ALKBH8: variants seen among roughly 807,000 people sequenced by gnomAD.
The protein encoded by ALKBH8 is alkB homolog 8, tRNA methyltransferase.
A neutral mutation model predicts 59.8 loss-of-function variants in ALKBH8; 36 were observed. The observed-to-expected ratio is 0.60, with a 90% confidence interval of 0.46 to 0.79. The LOEUF is 0.79. ALKBH8 is among the 30% of genes least tolerant of loss of function. ALKBH8 has a pLI of 0.00. For missense variants in ALKBH8, 768 were observed against 801.0 expected (o/e 0.96, Z 0.50); for synonymous variants, 276 against 273.6 (o/e 1.01, Z -0.09).
At position 107,551,861 on chromosome 11, in the gene ALKBH8, T is replaced by A; in HGVS notation, c.647A>T (p.Tyr216Phe). 2 of 1,559,530 alleles carry A rather than the reference T, an allele frequency of 1.3e-6. No individual in the cohort carries two copies. Among genetic ancestry groups the A allele is most frequent in the Non-Finnish European group, 1.7e-6 (2 of 1,158,426 alleles). ...SFLEKWLRKG[Y>F]IKHKPDQMTI... ...CATTTGATCAGGTTTATGTTTAATG[T>A]AACCTTTCCTCAACCATTTCTCCAA... Residue 216 changes from tyrosine to phenylalanine, a missense_variant, in exon 6 of 12, where the codon TAC becomes TTC. Transcript: ENST00000428149.
chr11:107,517,376 A>C (rs1170463908), intron 10 of ALKBH8, among the ~76,000 whole-genome samples: 2 of 152,170 alleles, frequency 1.3e-5, no homozygotes, highest in African/African-American at 4.8e-5. Context: ...GACATATTAA[A>C]AATAGAACTA....
chr11:107,547,731 A>G (rs2135561818), intron 7 of ALKBH8, among the ~76,000 whole-genome samples: 1 of 152,328 alleles, frequency 6.6e-6, no homozygotes, highest in African/African-American at 2.4e-5. Flanking sequence ...TGATTCACTT[A>G]CTCTCAAAGG....
chr11:107,549,059 G>A (rs528174065), intron 7 of ALKBH8, among the ~76,000 whole-genome samples: 42 of 152,150 alleles, frequency 2.8e-4, no homozygotes, highest in African/African-American at 9.9e-4. Flanking sequence ...CACCGTGTTA[G>A]CCAGGATGGT....
chr11:107,543,677 T>C (rs1451342336), intron 7 of ALKBH8, among the ~76,000 whole-genome samples: 2 of 152,044 alleles, frequency 1.3e-5, no homozygotes, highest in Non-Finnish European at 2.9e-5. Context: ...AATTTAATAT[T>C]ACATAAATGA....
intron 10 of ALKBH8, among the ~76,000 whole-genome samples, chr11:107,515,281 A>G (rs1319288528): frequency 2.0e-5 from 3 of 152,222 alleles, no homozygotes; most frequent in Non-Finnish European, 4.4e-5. Flanking sequence ...CATATATTCA[A>G]GGACTTGCGT....
chr11:107,514,683 G>A (rs1411815409), intron 10 of ALKBH8, among the ~76,000 whole-genome samples: 2 of 152,220 alleles, frequency 1.3e-5, no homozygotes, highest in Admixed American at 6.5e-5. Context: ...CAAATAATCT[G>A]AACATTATAT....
chr11:107,556,372 T>C (rs561851564), intron 3 of ALKBH8, among the ~76,000 whole-genome samples: 1 of 152,238 alleles, frequency 6.6e-6, no homozygotes, highest in Non-Finnish European at 1.5e-5. Context: ...GATTGGTACA[T>C]GATCATTTGG....
intron 11 of ALKBH8, among the ~76,000 whole-genome samples, chr11:107,506,599 A>T (rs1239978551): frequency 6.6e-6 from 1 of 152,194 alleles, no homozygotes; most frequent in Non-Finnish European, 1.5e-5. Flanking sequence ...AAAGATAAGT[A>T]TTAAACTATA....
At chr11:107,553,252 T>C (rs778768872) in intron 4 of ALKBH8, 49 bp from the exon 5 acceptor site, 2 of 1,256,016 alleles carry the variant, frequency 1.6e-6, no homozygotes, top group South Asian at 1.4e-5. Flanking sequence ...AGAATTACAT[T>C]CCTTTGCATA....
At chr11:107,546,931 T>C (rs559746162) in intron 7 of ALKBH8, among the ~76,000 whole-genome samples, 2 of 152,294 alleles carry the variant, frequency 1.3e-5, no homozygotes, top group East Asian at 1.9e-4. Context: ...TGAAGAATTA[T>C]ATTAAAGTTA....
intron 7 of ALKBH8, among the ~76,000 whole-genome samples, chr11:107,540,485 G>A (rs1268775566): frequency 1.3e-5 from 2 of 152,148 alleles, no homozygotes; most frequent in African/African-American, 4.8e-5. Context: ...TTACAATACA[G>A]AACAAAATAT....
At chr11:107,547,331 T>C (rs981026842) in intron 7 of ALKBH8, among the ~76,000 whole-genome samples, 6 of 152,178 alleles carry the variant, frequency 3.9e-5, no homozygotes, top group African/African-American at 7.2e-5. Context: ...ACAGCACAAG[T>C]TGCAAGAGTG....
Position 107,522,392 on chromosome 11 carries a change from C to T in ALKBH8, c.1194G>A (p.Val398=), listed in dbSNP as rs1863152295. The T allele has an allele frequency of 6.4e-7, 1 of 1,551,668 alleles. No individual in the cohort carries two copies. The highest frequency in any genetic ancestry group is 8.7e-7 in the Non-Finnish European group (1 of 1,146,972). ...STRHTPWPHI[V]EFLKALPSGS... ...CACTTGGCAAAGCCTTCAAAAACTC[C>T]ACAATGTGCGGCCAAGGGGTATGTC... Residue 398 remains valine (V), a synonymous_variant, in exon 10 of 12, where the codon GTG becomes GTA. Coordinates refer to ENST00000428149, the MANE Select transcript of ALKBH8 (RefSeq NM_138775.3).
At chr11:107,520,807 C>T (rs1453390161) in intron 10 of ALKBH8, among the ~76,000 whole-genome samples, 2 of 152,172 alleles carry the variant, frequency 1.3e-5, no homozygotes. Flanking sequence ...ACAAACTCTA[C>T]ATTTCCTAAG....
At chr11:107,539,214 C>T (rs1863938471) in intron 7 of ALKBH8, among the ~76,000 whole-genome samples, 1 of 152,190 alleles carries the variant, frequency 6.6e-6, no homozygotes, top group South Asian at 2.1e-4. Context: ...TAATTTTGCC[C>T]TGGAGACACC....
At position 107,553,201 on chromosome 11, in the gene ALKBH8, G is replaced by A. The variant is rs755254899; in HGVS notation, c.502C>T (p.Gln168Ter). 5 of 1,595,738 alleles carry A rather than the reference G, an allele frequency of 3.1e-6. No homozygotes were observed. In the South Asian group the frequency reaches 4.5e-5, roughly 14 times the overall value. The change falls in exon 5 of 12, where the codon CAA (glutamine) becomes TAA (stop). Residue 168 changes from glutamine (Q) to a stop codon, truncating the protein, a stop_gained and splice_region_variant. Transcript: ENST00000428149. LOFTEE classifies it high-confidence loss of function. ...ACTCTTCTGTGTTTTAAGGATTTTT[G>A]AGCTGTGTGAAGAGAACAAAGTAAA... ...WTEDTDNQNS[Q>*]KSLKHRRVKH...
chr11:107,557,104 G>GA (rs898081865), intron 2 of ALKBH8, 101 bp from the exon 3 acceptor site: 982 of 838,042 alleles, frequency 1.2e-3, no homozygotes, highest in South Asian at 1.6e-3. Flanking sequence ...ATGTAATTAA[G>GA]AAAAAAAAAG....
At chr11:107,555,956 G>C (rs979479262) in intron 3 of ALKBH8, among the ~76,000 whole-genome samples, 1 of 152,178 alleles carries the variant, frequency 6.6e-6, no homozygotes, top group African/African-American at 2.4e-5. Flanking sequence ...TACCATCACA[G>C]GAAGTTCTAC....
chr11:107,508,908 C>T (rs186667066), intron 11 of ALKBH8, among the ~76,000 whole-genome samples: 2 of 152,274 alleles, frequency 1.3e-5, no homozygotes, highest in Non-Finnish European at 2.9e-5. Flanking sequence ...TCTATTCATC[C>T]ATTAATGAAC....
Sources: allele counts gnomAD v4.1 joint callset (sites outside exome capture counted in the v4.1 genomes callset), GRCh38; gene constraint gnomAD v4.1.1; transcripts MANE v1.5; gene names NCBI Gene and HGNC (gene_info 2026-07-23, HGNC 2026-07-21).